The following PIP4K2A variants were observed in gnomAD, a reference collection of about 807,000 sequenced individuals.
PIP4K2A encodes phosphatidylinositol-5-phosphate 4-kinase type 2 alpha, also known as phosphatidylinositol 5-phosphate 4-kinase type-2 alpha.
Under a neutral mutation model 42.9 loss-of-function variants are expected in PIP4K2A, and 14 were observed. The observed-to-expected ratio is 0.33, with a 90% CI of 0.22 to 0.51. The LOEUF (loss-of-function observed/expected upper bound fraction) is 0.51, where lower values mean the gene tolerates loss of function less well. PIP4K2A is among the 20% of genes least tolerant of loss of function. PIP4K2A has a pLI of 0.97. For missense variants in PIP4K2A, 434 were observed against 519.8 expected, an observed-to-expected ratio of 0.83 and a Z score of 1.61; for synonymous variants, 192 against 192.2, an observed-to-expected ratio of 1.00 and a Z score of 0.01.
At chr10:22,654,364 C>A (rs1048657143) in intron 1 of PIP4K2A, among the ~76,000 whole-genome samples, 6 of 152,012 alleles carry the variant, frequency 3.9e-5, no homozygotes, top group Non-Finnish European at 7.4e-5. Context: ...CAAGAATTTA[C>A]CATGTGTGGA....
intron 3 of PIP4K2A, among the ~76,000 whole-genome samples, chr10:22,592,166 G>C (rs958752611): frequency 3.3e-5 from 5 of 152,194 alleles, no homozygotes; most frequent in African/African-American, 1.2e-4. Context: ...TTATATGACA[G>C]GTATCGTGCC....
rs573237420 is a variant in PIP4K2A, at chr10:22,595,037, A to G, written c.340-3256T>C. Among the ~76,000 whole-genome samples the G allele has an allele frequency of 3.9e-5, 6 of 152,360 alleles. 1 individual carries two copies. Among genetic ancestry groups the G allele is most frequent in the African/African-American group, 1.4e-4 (6 of 41,590 alleles). Reference sequence around the variant, plus strand: ...TGTCAAAACATAGAATGTACCTTTCATATCACTATGAATATAAAAATACAT... The same window carrying G: ...TGTCAAAACATAGAATGTACCTTTCGTATCACTATGAATATAAAAATACAT... On this transcript the variant is annotated intron_variant, in intron 3 of 9. Coordinates refer to ENST00000376573, the MANE Select transcript of PIP4K2A (RefSeq NM_005028.5).
chr10:22,620,883 C>T (rs1838313688), intron 1 of PIP4K2A, among the ~76,000 whole-genome samples: 2 of 152,202 alleles, frequency 1.3e-5, no homozygotes, highest in African/African-American at 2.4e-5. Flanking sequence ...TCCTGGAAGA[C>T]ACACATAACC....
chr10:22,644,564 T>C (rs989842095), intron 1 of PIP4K2A, among the ~76,000 whole-genome samples: 10 of 151,896 alleles, frequency 6.6e-5, no homozygotes, highest in African/African-American at 2.4e-4. Flanking sequence ...TCACCTCAAG[T>C]CTCCTCTCAA....
intron 1 of PIP4K2A, among the ~76,000 whole-genome samples, chr10:22,665,859 C>CAT (rs1435219346): frequency 1.3e-5 from 2 of 151,604 alleles, no homozygotes; most frequent in Admixed American, 6.6e-5. Flanking sequence ...CATATATATA[C>CAT]ATATATATAC....
intron 1 of PIP4K2A, among the ~76,000 whole-genome samples, chr10:22,700,624 G>A (rs575665869): frequency 2.5e-4 from 38 of 152,276 alleles, no homozygotes; most frequent in African/African-American, 8.9e-4. Context: ...CCCTTGCTAT[G>A]GTGTGCAGGT....
Position 22,633,631 on chromosome 10 carries a change from G to A in PIP4K2A, c.145-23914C>T, listed in dbSNP as rs146415338. 1.8e-4 allele frequency among the ~76,000 whole-genome samples: 27 copies of A among 152,250 alleles called. No homozygotes were observed. The East Asian group carries it at 4.8e-3, about 27-fold the overall frequency. On this transcript the variant is annotated intron_variant, in intron 1 of 9. Transcript: ENST00000376573. The stretch of plus-strand genomic sequence containing the variant: ...CAAGAAACCCAGGTCAAAGGGATCC[G>A]AGACATGGCAGGCGCTGAGTCCTTC...
chr10:22,545,399 G>C (rs1836236598), intron 7 of PIP4K2A, among the ~76,000 whole-genome samples: 1 of 152,244 alleles, frequency 6.6e-6, no homozygotes, highest in East Asian at 1.9e-4. Context: ...AAAGGGCAGA[G>C]AGGGAAGGGG....
At chr10:22,649,553 G>C (rs1487549561) in intron 1 of PIP4K2A, among the ~76,000 whole-genome samples, 1 of 152,170 alleles carries the variant, frequency 6.6e-6, no homozygotes, top group Non-Finnish European at 1.5e-5. Context: ...TGTCCTCCAG[G>C]AGCTAATAAA....
intron 1 of PIP4K2A, among the ~76,000 whole-genome samples, chr10:22,698,841 A>G (rs548259270): frequency 5.1e-4 from 78 of 152,340 alleles, no homozygotes; most frequent in Non-Finnish European, 6.5e-4. Flanking sequence ...TGTGTTTTTC[A>G]AATTTTTCAG....
At chr10:22,569,826 A>C (rs1307769679) in intron 5 of PIP4K2A, among the ~76,000 whole-genome samples, 3 of 151,980 alleles carry the variant, frequency 2.0e-5, no homozygotes, top group South Asian at 4.1e-4. Flanking sequence ...ACAATAAAAA[A>C]TTATTAAAAA....
chr10:22,678,169 T>A (rs1207602350), intron 1 of PIP4K2A, among the ~76,000 whole-genome samples: 1 of 152,018 alleles, frequency 6.6e-6, no homozygotes, highest in Non-Finnish European at 1.5e-5. Context: ...TTGTCACAAT[T>A]GTCTTCTCAG....
intron 5 of PIP4K2A, chr10:22,568,868 C>G (rs925679109): frequency 1.6e-6 from 1 of 614,828 alleles, no homozygotes; most frequent in African/African-American, 1.8e-5. Context: ...AATCACAGGC[C>G]AATTTCCTGG....
intron 1 of PIP4K2A, among the ~76,000 whole-genome samples, chr10:22,676,228 T>C (rs1354008151): frequency 6.6e-6 from 1 of 152,230 alleles, no homozygotes; most frequent in African/African-American, 2.4e-5. Flanking sequence ...AATAAGACCC[T>C]TGACCAACTT....
intron 1 of PIP4K2A, among the ~76,000 whole-genome samples, chr10:22,660,019 T>A (rs1021038384): frequency 4.6e-5 from 7 of 152,132 alleles, no homozygotes; most frequent in Non-Finnish European, 1.0e-4. Flanking sequence ...ACAGACATTG[T>A]GTCCTTAACC....
chr10:22,583,636 C>T (rs962544725), intron 4 of PIP4K2A, among the ~76,000 whole-genome samples: 5 of 152,214 alleles, frequency 3.3e-5, no homozygotes, highest in Admixed American at 3.3e-4. Context: ...AATCCCCACC[C>T]TCCTCTTTTG....
At chr10:22,673,995 G>C (rs1436847923) in intron 1 of PIP4K2A, among the ~76,000 whole-genome samples, 2 of 152,278 alleles carry the variant, frequency 1.3e-5, no homozygotes, top group African/African-American at 2.4e-5. Flanking sequence ...GCAAATGAAA[G>C]CTCAACTTAC....
chr10:22,681,001 T>C (rs1839648812), intron 1 of PIP4K2A, among the ~76,000 whole-genome samples: 1 of 152,146 alleles, frequency 6.6e-6, no homozygotes, highest in African/African-American at 2.4e-5. Context: ...GTTTGGAAGA[T>C]GCAACTAACC....
At chr10:22,627,591 T>TTAAAAAAAAAAAAAAAAAAAAAAAAAAA (rs1838469308) in intron 1 of PIP4K2A, among the ~76,000 whole-genome samples, 2 of 56,994 alleles carry the variant, frequency 3.5e-5, no homozygotes, top group Admixed American at 2.9e-4. Flanking sequence ...TAATATGTAA[T>TTAAAAAAAAAAAAAAAAAAAAAAAAAAA]AAAAAAAAAA....
Sources: allele counts gnomAD v4.1 joint callset (sites outside exome capture counted in the v4.1 genomes callset), GRCh38; gene constraint gnomAD v4.1.1; transcripts MANE v1.5; gene names NCBI Gene and HGNC (gene_info 2026-07-23, HGNC 2026-07-21).